The following CERS3 variants were observed in gnomAD, a reference collection of about 807,000 sequenced individuals.
CERS3 encodes ceramide synthase 3.
CERS3 carries 33 observed loss-of-function variants against 50.3 expected under a neutral mutation model. That is an observed-to-expected ratio of 0.66 (90% confidence interval 0.50 to 0.88). The LOEUF is 0.88. Among genes scored for constraint, CERS3 ranks in the 40% least tolerant of loss-of-function variants. CERS3 has a pLI of 0.00. For missense variants in CERS3, 470 were observed against 460.3 expected, an observed-to-expected ratio of 1.02 and a Z score of -0.19; for synonymous variants, 176 against 155.2, an observed-to-expected ratio of 1.13 and a Z score of -0.99.
intron 11 of CERS3, among the ~76,000 whole-genome samples, chr15:100,414,280 A>G (rs7170628): frequency 0.58 from 87,451 of 151,954 alleles, 25,365 homozygotes; most frequent in Non-Finnish European, 0.6. Flanking sequence ...AAATAAGAGA[A>G]AACACAAACA....
upstream of CERS3, among the ~76,000 whole-genome samples, chr15:100,530,242 A>G (rs1456337116): frequency 3.3e-5 from 5 of 152,040 alleles, no homozygotes; most frequent in East Asian, 1.9e-4. Flanking sequence ...TCTTCATCCA[A>G]TTGTCACCTA....
At chr15:100,415,662 C>T (rs925056030) in intron 11 of CERS3, among the ~76,000 whole-genome samples, 1 of 152,034 alleles carries the variant, frequency 6.6e-6, no homozygotes, top group Non-Finnish European at 1.5e-5. Flanking sequence ...AAGCTGGAAG[C>T]CATCATCCTC....
intron 10 of CERS3, among the ~76,000 whole-genome samples, chr15:100,465,609 G>T (rs11247205): frequency 3.3e-5 from 5 of 151,694 alleles, no homozygotes; most frequent in Non-Finnish European, 7.4e-5. Context: ...ATCAGTCAAC[G>T]TCAATACAGA....
At chr15:100,465,233 G>C (rs2034675021) in intron 10 of CERS3, among the ~76,000 whole-genome samples, 1 of 152,042 alleles carries the variant, frequency 6.6e-6, no homozygotes, top group African/African-American at 2.4e-5. Context: ...GGTGAAATAG[G>C]TTAGTTAAGC....
intron 2 of CERS3, among the ~76,000 whole-genome samples, chr15:100,502,506 C>A (rs914482734): frequency 2.0e-5 from 3 of 152,118 alleles, no homozygotes; most frequent in African/African-American, 7.2e-5. Flanking sequence ...TAACAATAGG[C>A]TTTACAACTT....
At chr15:100,415,227 C>T (rs2031808884) in intron 11 of CERS3, among the ~76,000 whole-genome samples, 1 of 152,120 alleles carries the variant, frequency 6.6e-6, no homozygotes, top group Admixed American at 6.6e-5. Context: ...AATGAGATAC[C>T]ATCTCACACC....
At chr15:100,485,435 C>A (rs756362275) in intron 4 of CERS3, among the ~76,000 whole-genome samples, 4 of 152,116 alleles carry the variant, frequency 2.6e-5, no homozygotes, top group Admixed American at 6.5e-5. Flanking sequence ...CATAAATGAC[C>A]AAATGGACCA....
intron 11 of CERS3, among the ~76,000 whole-genome samples, chr15:100,450,245 C>G (rs1311932053): frequency 6.6e-6 from 1 of 151,436 alleles, no homozygotes; most frequent in Non-Finnish European, 1.5e-5. Flanking sequence ...ATGGTGAAAC[C>G]CCTTCTTTAC....
chr15:100,526,149 C>A (rs966392658), intron 1 of CERS3, among the ~76,000 whole-genome samples: 1 of 152,202 alleles, frequency 6.6e-6, no homozygotes, highest in African/African-American at 2.4e-5. Flanking sequence ...GCCAGCTGGC[C>A]TACTTGATGA....
chr15:100,423,967 G>A (rs935785001), intron 11 of CERS3, among the ~76,000 whole-genome samples: 3 of 147,594 alleles, frequency 2.0e-5, no homozygotes, highest in African/African-American at 5.1e-5. Flanking sequence ...TTGAGGTGGA[G>A]TTTTGCTCTT....
intron 11 of CERS3, among the ~76,000 whole-genome samples, chr15:100,428,734 G>T (rs543698937): frequency 5.1e-4 from 77 of 152,316 alleles, no homozygotes; most frequent in African/African-American, 1.8e-3. Context: ...TCTATTGAAA[G>T]AACTGAATGC....
intron 9 of CERS3, 110 bp from the exon 10 acceptor site, chr15:100,469,594 G>A (rs562617632): frequency 2.7e-6 from 2 of 746,106 alleles, no homozygotes; most frequent in Non-Finnish European, 4.4e-6. Context: ...AACAATCTGG[G>A]TGGAAAGTAG....
intron 11 of CERS3, among the ~76,000 whole-genome samples, chr15:100,425,004 C>T (rs912849254): frequency 6.9e-6 from 1 of 144,932 alleles, no homozygotes; most frequent in Admixed American, 7.1e-5. Flanking sequence ...AAGCCAAAAA[C>T]CTTGGCGGCT....
chr15:100,513,337 C>T (rs901266159), intron 2 of CERS3, among the ~76,000 whole-genome samples: 1 of 152,124 alleles, frequency 6.6e-6, no homozygotes, highest in Non-Finnish European at 1.5e-5. Flanking sequence ...GAGTCCACCT[C>T]TGTCTGGAGG....
At chr15:100,543,779 C>T (rs1006909384) in intron 1 of CERS3, among the ~76,000 whole-genome samples, 1 of 152,164 alleles carries the variant, frequency 6.6e-6, no homozygotes, top group Non-Finnish European at 1.5e-5. Context: ...ATTCGCCCAC[C>T]TTGGCCTCTC....
intron 8 of CERS3, among the ~76,000 whole-genome samples, chr15:100,475,179 CATT>C (rs2035088355): frequency 6.6e-6 from 1 of 152,126 alleles, no homozygotes; most frequent in Non-Finnish European, 1.5e-5. Flanking sequence ...CTACAGCTAT[CATT>C]GAGTTACATG....
chr15:100,472,816 G>T, intron 9 of CERS3, 108 bp downstream of exon 9: 1 of 1,329,668 alleles, frequency 7.5e-7, no homozygotes, highest in Non-Finnish European at 1.1e-6. Flanking sequence ...GAATTTGGGT[G>T]TTTTCAGGAC....
intron 11 of CERS3, among the ~76,000 whole-genome samples, chr15:100,427,581 T>C (rs951581463): frequency 6.6e-6 from 1 of 152,220 alleles, no homozygotes; most frequent in East Asian, 1.9e-4. Flanking sequence ...CCTGGATTAC[T>C]TGTACTGTCT....
At chr15:100,405,227 C>A in intron 11 of CERS3, among the ~76,000 whole-genome samples, 1 of 86,210 alleles carries the variant, frequency 1.2e-5, no homozygotes, top group African/African-American at 4.1e-5. Context: ...TCTCAAAACT[C>A]AATGGTAAAA....
Sources: allele counts gnomAD v4.1 joint callset (sites outside exome capture counted in the v4.1 genomes callset), GRCh38; gene constraint gnomAD v4.1.1; transcripts MANE v1.5; gene names NCBI Gene and HGNC (gene_info 2026-07-23, HGNC 2026-07-21).